F2RL1: variants seen among roughly 807,000 people sequenced by gnomAD.
F2RL1 encodes F2R like trypsin receptor 1.
A neutral mutation model predicts 21.7 loss-of-function variants in F2RL1; 16 were observed. The ratio of observed to expected loss-of-function variants is 0.74; its 90% CI spans 0.50 to 1.12. The LOEUF (loss-of-function observed/expected upper bound fraction) is 1.12, where lower values mean the gene tolerates loss of function less well. Among genes scored for constraint, F2RL1 ranks in the 50% most tolerant of loss-of-function variants. The pLI is 0.00. For missense variants in F2RL1, 432 were observed against 477.8 expected, an observed-to-expected ratio of 0.90 and a Z score of 0.89; for synonymous variants, 181 against 186.7, an observed-to-expected ratio of 0.97 and a Z score of 0.25.
chr5:76,831,658 C>G (rs1369814115), intron 1 of F2RL1, among the ~76,000 whole-genome samples: 1 of 151,692 alleles, frequency 6.6e-6, no homozygotes, highest in Non-Finnish European at 1.5e-5. Flanking sequence ...CTCAGCCTCC[C>G]AAGTAGCTGG....
intron 1 of F2RL1, among the ~76,000 whole-genome samples, chr5:76,829,469 G>A (rs2150606965): frequency 6.6e-6 from 1 of 152,160 alleles, no homozygotes; most frequent in South Asian, 2.1e-4. Flanking sequence ...GCAGTTCCCA[G>A]AGTCTCAATT....
intron 1 of F2RL1, among the ~76,000 whole-genome samples, chr5:76,821,383 C>T (rs552800684): frequency 2.0e-5 from 3 of 152,248 alleles, no homozygotes; most frequent in Admixed American, 2.0e-4. Flanking sequence ...CAGTAAATAG[C>T]AAATGAATGA....
At chr5:76,831,589 AG>A (rs1456021009) in intron 1 of F2RL1, among the ~76,000 whole-genome samples, 1 of 143,018 alleles carries the variant, frequency 7.0e-6, no homozygotes, top group Non-Finnish European at 1.5e-5. Flanking sequence ...GCTGAAGTGC[AG>A]TGGCATGATC....
At chr5:76,823,152 C>T (rs1038250216) in intron 1 of F2RL1, among the ~76,000 whole-genome samples, 127 of 151,982 alleles carry the variant, frequency 8.4e-4, no homozygotes, top group African/African-American at 2.8e-3. Context: ...ATGGCGTGAA[C>T]CCGGGAGGTC....
At chr5:76,820,939 G>A (rs1239554726) in intron 1 of F2RL1, among the ~76,000 whole-genome samples, 1 of 152,182 alleles carries the variant, frequency 6.6e-6, no homozygotes, top group Non-Finnish European at 1.5e-5. Flanking sequence ...GGCAGATGGA[G>A]CTTTCCTCCC....
chr5:76,826,401 G>A (rs1750239092), intron 1 of F2RL1, among the ~76,000 whole-genome samples: 1 of 152,120 alleles, frequency 6.6e-6, no homozygotes, highest in African/African-American at 2.4e-5. Context: ...TTCTATTTAT[G>A]GATTTGCCTA....
In F2RL1 at chr5:76,833,217, C is replaced by A. The variant is rs774061321; in HGVS notation, c.610C>A (p.Leu204Met). ...ISLAIWLLIL[L>M]VTIPLYVVKQ... Reference sequence around the variant, plus strand: ...CCTGGCAATATGGCTGCTGATTCTGCTGGTCACCATTCCTTTGTATGTCGT... The same window carrying A: ...CCTGGCAATATGGCTGCTGATTCTGATGGTCACCATTCCTTTGTATGTCGT... The change falls in exon 2 of 2, where the codon CTG (leucine) becomes ATG (methionine). Residue 204 changes from leucine to methionine, a missense_variant. Transcript: ENST00000296677. The A allele has an allele frequency of 1.5e-5, 25 of 1,613,854 alleles. No homozygotes were observed. Among genetic ancestry groups the A allele is most frequent in the Middle Eastern group, 1.6e-4 (1 of 6,084 alleles).
intron 1 of F2RL1, among the ~76,000 whole-genome samples, chr5:76,820,818 A>G (rs1477822908): frequency 6.6e-6 from 1 of 152,206 alleles, no homozygotes; most frequent in Non-Finnish European, 1.5e-5. Flanking sequence ...CTTGTTAACT[A>G]TAGCCACTTA....
intron 1 of F2RL1, among the ~76,000 whole-genome samples, chr5:76,825,040 C>T (rs1184336046): frequency 2.1e-5 from 3 of 144,364 alleles, no homozygotes; most frequent in Non-Finnish European, 3.0e-5. Context: ...CAGAGTCTCA[C>T]TCTGTTGCCA....
At chr5:76,822,776 T>C (rs929556224) in intron 1 of F2RL1, among the ~76,000 whole-genome samples, 4 of 152,052 alleles carry the variant, frequency 2.6e-5, no homozygotes, top group African/African-American at 7.2e-5. Context: ...TTTCAGTCTG[T>C]GCTCCCAAAG....
At chr5:76,822,510 G>A (rs992409632) in intron 1 of F2RL1, among the ~76,000 whole-genome samples, 3 of 152,158 alleles carry the variant, frequency 2.0e-5, no homozygotes, top group African/African-American at 7.2e-5. Flanking sequence ...GAGCCACCGT[G>A]CCTGGCCAAA....
rs977454583 is a variant in F2RL1 at position 76,819,336 on chromosome 5, G to A, written c.82+72G>A. ...TCCTGGGCACGCTGGGCAGACGGTG[G>A]GATCCGGGCAGGTGTGCGAAGGCTG... On this transcript the variant is annotated intron_variant, in intron 1 of 1. Coordinates refer to ENST00000296677, the MANE Select transcript of F2RL1 (RefSeq NM_005242.6). 5.2e-6 allele frequency: 7 copies of A among 1,357,382 alleles called. No individual in the cohort carries two copies. In the African/African-American group the frequency reaches 8.7e-5, roughly 17 times the overall value. 84.1% of individuals were successfully genotyped at this position (1,357,382 alleles called of 1,614,324 possible).
chr5:76,828,500 T>A lies in F2RL1; in HGVS notation c.83-4190T>A, dbSNP rs902960098. Among the ~76,000 whole-genome samples the A allele has an allele frequency of 2.1e-3, 236 of 113,292 alleles. 2 individuals carry two copies. The highest frequency in any genetic ancestry group is 0.018 in the Admixed American group (196 of 11,028). The allele number at this position is 113,292 out of a possible 152,430, so 74.3% of individuals were successfully genotyped here. A position where few individuals can be genotyped will look rare whatever the true frequency, so the allele number is the denominator to read the frequency against. ...AAATTTCTTTCTTTTTTTTTTTTTT[T>A]TAATATAGAGACAGGGGCCTCACTC... On this transcript the variant is annotated intron_variant, in intron 1 of 1. Transcript: ENST00000296677.
Position 76,833,193 on chromosome 5 carries a change from C to G in F2RL1, c.586C>G (p.Leu196Val), listed in dbSNP as rs1453683708. ...GGCAAACATTGCCATTGGCATCTCC[C>G]TGGCAATATGGCTGCTGATTCTGCT... ...KKANIAIGIS[L>V]AIWLLILLVT... Residue 196 changes from leucine to valine, a missense_variant, in exon 2 of 2, where the codon CTG (leucine) becomes GTG (valine). Transcript: ENST00000296677. 1 of 1,614,070 alleles carries G rather than the reference C, an allele frequency of 6.2e-7. No homozygotes were observed. The highest frequency in any genetic ancestry group is 1.3e-5 in the African/African-American group (1 of 75,046).
chr5:76,824,092 G>A lies in F2RL1; in HGVS notation c.82+4828G>A, dbSNP rs191068162. On this transcript the variant is annotated intron_variant, in intron 1 of 1. Coordinates refer to ENST00000296677, the MANE Select transcript of F2RL1 (RefSeq NM_005242.6). ...CTCCCAAAGTGCTGGGATTACAGGCGTGAGCCACTGCGCCGACCCTGTACA... is the reference window on the plus strand; with the variant it reads ...CTCCCAAAGTGCTGGGATTACAGGCATGAGCCACTGCGCCGACCCTGTACA... 2.7e-3 allele frequency among the ~76,000 whole-genome samples: 413 copies of A among 151,380 alleles called. 1 individual carries two copies. Among genetic ancestry groups the A allele is most frequent in the African/African-American group, 9.5e-3 (391 of 41,220 alleles).
In F2RL1 at chr5:76,834,349, A is replaced by G. The variant is rs1201751986; in HGVS notation, c.*548A>G. The stretch of plus-strand genomic sequence containing the variant: ...TGAGGTTCTTGTACCACTTCATCAA[A>G]ATCATGGATCTTGGCTGGGTGCGGT... On this transcript the variant is annotated 3_prime_UTR_variant, in exon 2 of 2. Coordinates refer to ENST00000296677, the MANE Select transcript of F2RL1 (RefSeq NM_005242.6). 1.3e-5 allele frequency: 2 copies of G among 152,248 alleles called. No individual in the cohort carries two copies. The highest frequency in any genetic ancestry group is 4.8e-5 in the African/African-American group (2 of 41,440). 9.4% of individuals were successfully genotyped at this position (152,248 alleles called of 1,614,324 possible). A position where few individuals can be genotyped will look rare whatever the true frequency, so the allele number is the denominator to read the frequency against.
Position 76,834,430 on chromosome 5 carries a change from G to C in F2RL1, c.*629G>C, listed in dbSNP as rs891593517. 1 of 152,146 alleles carries C rather than the reference G, an allele frequency of 6.6e-6. No individual in the cohort carries two copies. Among genetic ancestry groups the C allele is most frequent in the African/African-American group, 2.4e-5 (1 of 41,404 alleles). The allele number at this position is 152,146 out of a possible 1,614,324, so 9.4% of individuals were successfully genotyped here. ...AGGCTGAGGCAGGCAATCACTTGAG[G>C]TCAGGAGTTCGAGACCAGCCTGGCC... On this transcript the variant is annotated 3_prime_UTR_variant, in exon 2 of 2. Coordinates refer to ENST00000296677, the MANE Select transcript of F2RL1 (RefSeq NM_005242.6).
intron 1 of F2RL1, among the ~76,000 whole-genome samples, chr5:76,820,519 C>T (rs1007086709): frequency 5.3e-5 from 8 of 151,994 alleles, no homozygotes; most frequent in African/African-American, 1.5e-4. Context: ...TCTTAATCAG[C>T]ATCAGAATAA....
In F2RL1 at chr5:76,819,248, C is replaced by T. The variant is rs3749633; in HGVS notation, c.66C>T (p.Cys22=). Residue 22 remains cysteine (C), a synonymous_variant, in exon 1 of 2, where the codon TGC becomes TGT. Coordinates refer to ENST00000296677, the MANE Select transcript of F2RL1 (RefSeq NM_005242.6). ...TCCTGCTAGCAGCCTCTCTCTCCTG[C>T]AGTGGCACCATCCAAGGTGAGAAAC... is the stretch of plus-strand genomic sequence containing the variant. The part of the protein sequence containing the change: ...AAILLAASLS[C]SGTIQGTSRS... 1 of 1,592,280 alleles carries T rather than the reference C, an allele frequency of 6.3e-7. No homozygotes were observed. Among genetic ancestry groups the T allele is most frequent in the East Asian group, 2.2e-5 (1 of 44,554 alleles).
Sources: allele counts gnomAD v4.1 joint callset (sites outside exome capture counted in the v4.1 genomes callset), GRCh38; gene constraint gnomAD v4.1.1; transcripts MANE v1.5; gene names NCBI Gene and HGNC (gene_info 2026-07-23, HGNC 2026-07-21).